The following RASSF5 variants were observed in gnomAD, a reference collection of about 807,000 sequenced individuals.
The protein encoded by RASSF5 is ras association domain-containing protein 5.
In RASSF5, 25 loss-of-function variants were observed where a neutral mutation model predicts 40.5. The observed-to-expected ratio is 0.62, with a 90% CI of 0.45 to 0.86. RASSF5 has a LOEUF of 0.86. RASSF5 is among the 40% of genes least tolerant of loss of function. The pLI is 0.00. For synonymous variants in RASSF5, 246 were observed against 252.4 expected, an observed-to-expected ratio of 0.97 and a Z score of 0.24; for missense variants, 521 against 572.8, an observed-to-expected ratio of 0.91 and a Z score of 0.92.
At chr1:206,528,272 G>A (rs975044132) in intron 1 of RASSF5, among the ~76,000 whole-genome samples, 3 of 151,978 alleles carry the variant, frequency 2.0e-5, no homozygotes, top group Non-Finnish European at 4.4e-5. Context: ...ATAATACTAA[G>A]TGAATGCATA....
chr1:206,583,685 T>G, intron 3 of RASSF5: 2 of 340,566 alleles, frequency 5.9e-6, no homozygotes, highest in Non-Finnish European at 1.1e-5. Flanking sequence ...GGGCCCAGTA[T>G]TGCTTGGCCT....
intron 2 of RASSF5, among the ~76,000 whole-genome samples, chr1:206,573,460 A>G (rs530149001): frequency 2.0e-5 from 3 of 152,220 alleles, no homozygotes; most frequent in Non-Finnish European, 4.4e-5. Flanking sequence ...GGGACGCCAT[A>G]GAGGGCAAGA....
chr1:206,554,381 A>G (rs1228526397), intron 2 of RASSF5, among the ~76,000 whole-genome samples: 1 of 152,244 alleles, frequency 6.6e-6, no homozygotes, highest in Admixed American at 6.5e-5. Flanking sequence ...GGATCTGGCC[A>G]CATGACAGGA....
chr1:206,520,057 G>GTCCAAGGAGTTATAGATTT (rs1553395877), intron 1 of RASSF5, among the ~76,000 whole-genome samples: 1 of 152,154 alleles, frequency 6.6e-6, no homozygotes, highest in East Asian at 1.9e-4. Context: ...TTGCTATTCA[G>GTCCAAGGAGTTATAGATTT]TCCAAGGAGT....
At chr1:206,578,026 C>A (rs1187527325) in intron 2 of RASSF5, among the ~76,000 whole-genome samples, 4 of 151,860 alleles carry the variant, frequency 2.6e-5, no homozygotes, top group African/African-American at 9.7e-5. Context: ...AGTTTGAGAC[C>A]AGCCTGGGCA....
At chr1:206,548,984 G>A (rs1667768413) in intron 2 of RASSF5, among the ~76,000 whole-genome samples, 1 of 152,078 alleles carries the variant, frequency 6.6e-6, no homozygotes, top group Non-Finnish European at 1.5e-5. Context: ...TCCTGCCTTG[G>A]CCTCCCAAGT....
At chr1:206,520,426 G>A (rs1314947413) in intron 1 of RASSF5, among the ~76,000 whole-genome samples, 1 of 152,126 alleles carries the variant, frequency 6.6e-6, no homozygotes, top group Admixed American at 6.5e-5. Flanking sequence ...GGCTAACATG[G>A]CGAAACCCCG....
chr1:206,548,739 A>C (rs1389669705), intron 2 of RASSF5, among the ~76,000 whole-genome samples: 1 of 152,156 alleles, frequency 6.6e-6, no homozygotes, highest in Non-Finnish European at 1.5e-5. Flanking sequence ...TTATTTCTTC[A>C]AATATTTTCA....
chr1:206,543,907 C>A (rs1467448900), intron 2 of RASSF5: 1 of 152,142 alleles, frequency 6.6e-6, no homozygotes, highest in Admixed American at 6.6e-5. Flanking sequence ...GCGTGCACCA[C>A]CATGCCAGGC....
chr1:206,584,699 G>C lies in RASSF5; in HGVS notation c.988+15G>C. The C allele has an allele frequency of 6.2e-7, 1 of 1,614,070 alleles. No individual in the cohort carries two copies. Among genetic ancestry groups the C allele is most frequent in the Non-Finnish European group, 8.5e-7 (1 of 1,179,960 alleles). ...GGACGGACAAGGTAGGAGAAAGAGTGAACCCAACCAGACCGTTCCCTTCCT... is the reference window on the plus strand; with the variant it reads ...GGACGGACAAGGTAGGAGAAAGAGTCAACCCAACCAGACCGTTCCCTTCCT... On this transcript the variant is annotated intron_variant, in intron 4 of 5. Transcript: ENST00000579436. This position sits in a 1 kb window ranked among gnomAD's most constrained non-coding sequence, Gnocchi z 4.9.
rs200269600 is a variant in RASSF5 at position 206,584,482 on chromosome 1, T to C, written c.786T>C (p.Tyr262=). The change falls in exon 4 of 6, where the codon TAT becomes TAC. Residue 262 remains tyrosine (Y), a synonymous_variant. Transcript: ENST00000579436. This position sits in a 1 kb window ranked among gnomAD's most constrained non-coding sequence, Gnocchi z 4.9. ...CTGGGATCCGGCCCCAGTCCATCTA[T>C]GATGCCATCAAGGAGGTGAACCTGG... ...VPAGIRPQSI[Y]DAIKEVNLAA... is the part of the protein sequence containing the mutation. The C allele has an allele frequency of 3.3e-5, 53 of 1,614,142 alleles. No individual in the cohort carries two copies. The highest frequency in any genetic ancestry group is 1.6e-4 in the Middle Eastern group (1 of 6,062).
intron 2 of RASSF5, among the ~76,000 whole-genome samples, chr1:206,578,123 G>A (rs1450473426): frequency 6.6e-6 from 1 of 152,100 alleles, no homozygotes; most frequent in Non-Finnish European, 1.5e-5. Context: ...CTACATGGGA[G>A]GCTGAGGCAG....
chr1:206,559,611 C>T (rs55673562), intron 2 of RASSF5, among the ~76,000 whole-genome samples: 8,940 of 152,318 alleles, frequency 0.059, 386 homozygotes, highest in Non-Finnish European at 0.096. Context: ...TATCTTGAGG[C>T]CTCTGTATAT....
chr1:206,523,921 A>T (rs1334344456), intron 1 of RASSF5, among the ~76,000 whole-genome samples: 1 of 113,588 alleles, frequency 8.8e-6, no homozygotes, highest in Admixed American at 1.2e-4. Flanking sequence ...TATATAATAT[A>T]TATACCATAT....
chr1:206,585,555 A>G (rs1669080671), intron 5 of RASSF5: 1 of 307,422 alleles, frequency 3.3e-6, no homozygotes, highest in Non-Finnish European at 6.1e-6. Flanking sequence ...TTTATTTCTG[A>G]AAACTCAGGG....
chr1:206,555,091 T>C (rs971062267), intron 2 of RASSF5, among the ~76,000 whole-genome samples: 1 of 152,174 alleles, frequency 6.6e-6, no homozygotes, highest in Non-Finnish European at 1.5e-5. Flanking sequence ...ATAATGGATG[T>C]TAAAAAGGTT....
chr1:206,549,821 A>G (rs1357477889), intron 2 of RASSF5, among the ~76,000 whole-genome samples: 1 of 152,164 alleles, frequency 6.6e-6, no homozygotes, highest in African/African-American at 2.4e-5. Flanking sequence ...TATGGCTTGT[A>G]GGAACAGGCA....
chr1:206,583,177 T>C, intron 2 of RASSF5, 92 bp from the exon 3 acceptor site: 1 of 823,382 alleles, frequency 1.2e-6, no homozygotes, highest in Non-Finnish European at 2.1e-6. Flanking sequence ...TGCTCACTTC[T>C]TGGTTAGAGA....
At chr1:206,550,917 T>G (rs1386781976) in intron 2 of RASSF5, among the ~76,000 whole-genome samples, 1 of 152,186 alleles carries the variant, frequency 6.6e-6, no homozygotes, top group African/African-American at 2.4e-5. Context: ...TGCTACCCAG[T>G]CCTAAGGCTG....
Sources: allele counts gnomAD v4.1 joint callset (sites outside exome capture counted in the v4.1 genomes callset), GRCh38; gene constraint gnomAD v4.1.1; non-coding constraint Gnocchi (gnomAD v3.1); transcripts MANE v1.5; gene names NCBI Gene and HGNC (gene_info 2026-07-23, HGNC 2026-07-21).